The following PLSCR2 variants were observed in gnomAD, a reference collection of about 807,000 sequenced individuals.
The protein encoded by PLSCR2 is PL scramblase 2.
In PLSCR2, 18 loss-of-function variants were observed where a neutral mutation model predicts 25.3. The observed-to-expected ratio is 0.71, with a 90% CI of 0.49 to 1.06. The LOEUF (loss-of-function observed/expected upper bound fraction) is 1.06. Ranked by LOEUF, PLSCR2 falls within the 50% of genes least tolerant of loss-of-function variation. The pLI is 0.00. For synonymous variants in PLSCR2, 88 were observed against 87.3 expected (o/e 1.01, Z -0.04); for missense variants, 243 against 269.5 (o/e 0.90, Z 0.69).
At chr3:146,394,933 G>C (rs2038223405) in intron 3 of PLSCR2, among the ~76,000 whole-genome samples, 1 of 152,172 alleles carries the variant, frequency 6.6e-6, no homozygotes, top group Non-Finnish European at 1.5e-5. Context: ...TCCCGTGCTT[G>C]TACTCACTGT....
chr3:146,425,247 T>G (rs1015820904), intron 2 of PLSCR2, among the ~76,000 whole-genome samples: 2 of 152,108 alleles, frequency 1.3e-5, no homozygotes, highest in Non-Finnish European at 2.9e-5. Context: ...AGAGGCTGTA[T>G]CTGCCCATTA....
chr3:146,419,952 C>T (rs986101524), intron 2 of PLSCR2, among the ~76,000 whole-genome samples: 1 of 152,036 alleles, frequency 6.6e-6, no homozygotes, highest in African/African-American at 2.4e-5. Context: ...TTTGCACATC[C>T]TTGGGGGCCA....
chr3:146,477,529 G>A (rs2042330605), intron 1 of PLSCR2, among the ~76,000 whole-genome samples: 1 of 152,244 alleles, frequency 6.6e-6, no homozygotes, highest in Non-Finnish European at 1.5e-5. Flanking sequence ...GCCTGGCTAA[G>A]GGAGTGGTGT....
At chr3:146,447,696 G>C (rs2040637914) in intron 6 of PLSCR2, among the ~76,000 whole-genome samples, 1 of 152,134 alleles carries the variant, frequency 6.6e-6, no homozygotes, top group Non-Finnish European at 1.5e-5. Context: ...GCCCTGGCTG[G>C]TGTCTCACTA....
At chr3:146,397,170 C>T (rs1360816548) in intron 2 of PLSCR2, among the ~76,000 whole-genome samples, 2 of 152,034 alleles carry the variant, frequency 1.3e-5, no homozygotes, top group African/African-American at 2.4e-5. Context: ...ACATATTTTT[C>T]AGAAAAATAC....
intron 5 of PLSCR2, among the ~76,000 whole-genome samples, chr3:146,451,108 T>C (rs1402287530): frequency 3.5e-5 from 1 of 28,322 alleles, no homozygotes; most frequent in African/African-American, 1.0e-4. Context: ...TTAAGTTTTC[T>C]TTTTTTTTTT....
intron 1 of PLSCR2, among the ~76,000 whole-genome samples, chr3:146,493,237 T>A (rs928868722): frequency 2.6e-5 from 4 of 152,116 alleles, no homozygotes; most frequent in African/African-American, 9.7e-5. Flanking sequence ...ATGATAACAG[T>A]CCCACTGGAA....
At chr3:146,430,133 T>C (rs187855337), downstream of PLSCR2, among the ~76,000 whole-genome samples, 13 of 152,226 alleles carry the variant, frequency 8.5e-5, no homozygotes, top group South Asian at 1.0e-3. Context: ...TTTCAGAAGA[T>C]GAATAAAAGA....
intron 2 of PLSCR2, among the ~76,000 whole-genome samples, chr3:146,415,612 CT>C (rs1163328326): frequency 1.3e-5 from 2 of 151,998 alleles, no homozygotes; most frequent in Admixed American, 6.5e-5. Context: ...TGTAAACAAC[CT>C]TTTCAAGAAG....
At chr3:146,451,107 C>CTTTTTTTTTTTTT (rs58373001) in intron 5 of PLSCR2, among the ~76,000 whole-genome samples, 1 of 79,482 alleles carries the variant, frequency 1.3e-5, no homozygotes, top group Non-Finnish European at 2.3e-5. Context: ...ATTAAGTTTT[C>CTTTTTTTTTTTTT]TTTTTTTTTT....
At chr3:146,442,386 T>G (rs1038206239) in intron 6 of PLSCR2, among the ~76,000 whole-genome samples, 1 of 151,994 alleles carries the variant, frequency 6.6e-6, no homozygotes, top group African/African-American at 2.4e-5. Flanking sequence ...TCCATACTAC[T>G]GAAAGGGAAC....
intron 1 of PLSCR2, among the ~76,000 whole-genome samples, chr3:146,477,864 C>T (rs185587862): frequency 1.3e-3 from 186 of 145,966 alleles, no homozygotes; most frequent in African/African-American, 3.5e-3. Context: ...AGGCAGGTGC[C>T]CCTCTGGGAT....
At chr3:146,457,206 G>A (rs183185318) in intron 3 of PLSCR2, among the ~76,000 whole-genome samples, 91 of 152,208 alleles carry the variant, frequency 6.0e-4, no homozygotes, top group South Asian at 4.3e-3. Context: ...TAATTTCAAC[G>A]AGTTAAAGAA....
At chr3:146,418,713 A>G (rs1363813200) in intron 2 of PLSCR2, among the ~76,000 whole-genome samples, 1 of 152,122 alleles carries the variant, frequency 6.6e-6, no homozygotes, top group Non-Finnish European at 1.5e-5. Context: ...ATTTTTCTTA[A>G]GGGGAAGCAT....
At chr3:146,484,149 A>G (rs987502517) in intron 1 of PLSCR2, among the ~76,000 whole-genome samples, 2 of 151,512 alleles carry the variant, frequency 1.3e-5, no homozygotes, top group African/African-American at 4.9e-5. Flanking sequence ...TGCAAACACA[A>G]GTAAAATAGC....
intron 1 of PLSCR2, chr3:146,495,758 AC>A (rs2043724631): frequency 3.2e-6 from 2 of 629,110 alleles, no homozygotes; most frequent in African/African-American, 1.8e-5. Flanking sequence ...TGTTTAAGAT[AC>A]CTAGTATGAG....
chr3:146,446,208 T>C (rs1311027966), intron 6 of PLSCR2, among the ~76,000 whole-genome samples: 1 of 152,180 alleles, frequency 6.6e-6, no homozygotes, highest in Non-Finnish European at 1.5e-5. Context: ...TTGATGTTTG[T>C]GGATGTTAAT....
At chr3:146,404,447 A>G (rs1258284845) in intron 2 of PLSCR2, among the ~76,000 whole-genome samples, 10 of 152,212 alleles carry the variant, frequency 6.6e-5, no homozygotes, top group Admixed American at 3.9e-4. Flanking sequence ...AAGAGCCCTC[A>G]TGACCTAATC....
chr3:146,457,678 A>C (rs1367501725), intron 3 of PLSCR2, among the ~76,000 whole-genome samples: 3 of 152,218 alleles, frequency 2.0e-5, no homozygotes, highest in Non-Finnish European at 4.4e-5. Context: ...GAAATGTACT[A>C]AGGTAACTAA....
Sources: gnomAD v4.1 joint callset for allele counts (sites outside exome capture counted in the v4.1 genomes callset) on GRCh38, gnomAD v4.1.1 for gene constraint, MANE v1.5 for transcripts, NCBI Gene and HGNC (gene_info 2026-07-23, HGNC 2026-07-21) for gene names.